Variants in TM4SF18 observed in about 807,000 individuals in gnomAD.
TM4SF18 encodes the protein transmembrane 4 L6 family member 18.
A neutral mutation model predicts 23.8 loss-of-function variants in TM4SF18; 22 were observed. The ratio of observed to expected loss-of-function variants is 0.92; its 90% CI spans 0.66 to 1.32. TM4SF18 has a LOEUF of 1.32. TM4SF18 is among the 40% of genes most tolerant of loss of function. The probability of loss-of-function intolerance (pLI) is 0.00; values close to 1 mark genes in which losing one functional copy is unlikely to be tolerated. For missense variants in TM4SF18, 255 were observed against 240.3 expected (o/e 1.06, Z -0.41); for synonymous variants, 87 against 87.9 (o/e 0.99, Z 0.06).
intron 4 of TM4SF18, among the ~76,000 whole-genome samples, chr3:149,324,129 C>T (rs892201139): frequency 3.3e-5 from 5 of 152,140 alleles, no homozygotes; most frequent in Non-Finnish European, 5.9e-5. Context: ...TTCTGGACCT[C>T]TTCTGTATTT....
rs1184453639 is a variant in TM4SF18 at position 149,319,710 on chromosome 3, C to A, written c.*1768G>T. ...TTGGAGTAGAAGTTCATGTATCTTC[C>A]TTTTAATATGATACCATTATTAACA... On this transcript the variant is annotated 3_prime_UTR_variant, in exon 6 of 6. Coordinates refer to ENST00000296059, the MANE Select transcript of TM4SF18 (RefSeq NM_138786.4). The A allele has an allele frequency of 6.6e-6, 1 of 152,156 alleles. No individual in the cohort carries two copies. Among genetic ancestry groups the A allele is most frequent in the Non-Finnish European group, 1.5e-5 (1 of 68,038 alleles). 9.4% of individuals were successfully genotyped at this position (152,156 alleles called of 1,614,324 possible). A position where few individuals can be genotyped will look rare whatever the true frequency, so the allele number is the denominator to read the frequency against.
chr3:149,326,681 C>G (rs962733867), intron 3 of TM4SF18, among the ~76,000 whole-genome samples: 3 of 152,164 alleles, frequency 2.0e-5, no homozygotes, highest in African/African-American at 4.8e-5. Context: ...ATTTCCCATT[C>G]CTCTCTCCTT....
intron 4 of TM4SF18, 128 bp from the exon 5 acceptor site, chr3:149,322,564 A>T: frequency 1.3e-6 from 1 of 768,614 alleles, no homozygotes; most frequent in Non-Finnish European, 2.0e-6. Flanking sequence ...TACATTTTAA[A>T]AACCATTCAG....
intron 4 of TM4SF18, among the ~76,000 whole-genome samples, chr3:149,324,607 A>G (rs1337859535): frequency 6.6e-6 from 1 of 152,218 alleles, no homozygotes; most frequent in Non-Finnish European, 1.5e-5. Flanking sequence ...CTTTAATCTG[A>G]GGTATGGGAG....
In TM4SF18 at chr3:149,332,007, T is replaced by C. The variant is rs538429050; in HGVS notation, c.177+1199A>G. Among the ~76,000 whole-genome samples, 3 of 152,320 alleles carry C rather than the reference T, an allele frequency of 2.0e-5. No homozygotes were observed. In the South Asian group the frequency reaches 6.2e-4, roughly 32 times the overall value. On this transcript the variant is annotated intron_variant, in intron 2 of 5. Coordinates refer to ENST00000296059, the MANE Select transcript of TM4SF18 (RefSeq NM_138786.4). ...CCACAAACATCTGCACACATAGCTC[T>C]TCCCTTATTTTGGATGATTTCCTCA... is the stretch of plus-strand genomic sequence containing the variant.
intron 1 of TM4SF18, 36 bp from the exon 2 acceptor site, chr3:149,333,435 G>T: frequency 1.1e-5 from 12 of 1,052,592 alleles, no homozygotes; most frequent in South Asian, 2.3e-5. Flanking sequence ...GTCACAGAAA[G>T]TCTATTTTTC....
At chr3:149,331,876 T>G (rs1731093426) in intron 2 of TM4SF18, among the ~76,000 whole-genome samples, 1 of 152,210 alleles carries the variant, frequency 6.6e-6, no homozygotes, top group South Asian at 2.1e-4. Flanking sequence ...TGTTACATCT[T>G]CATAATTATA....
At chr3:149,329,218 A>G (rs1010937633) in intron 3 of TM4SF18, among the ~76,000 whole-genome samples, 3 of 151,490 alleles carry the variant, frequency 2.0e-5, no homozygotes, top group South Asian at 2.1e-4. Flanking sequence ...TAAATTTTCA[A>G]TTCTTCTCCA....
chr3:149,328,555 T>C (rs1731009789), intron 3 of TM4SF18, among the ~76,000 whole-genome samples: 1 of 152,206 alleles, frequency 6.6e-6, no homozygotes, highest in South Asian at 2.1e-4. Context: ...AATATGTACT[T>C]TGTTTGGTTT....
chr3:149,321,491 G>C lies in TM4SF18; in HGVS notation c.593C>G (p.Pro198Arg). Residue 198 changes from proline to arginine, a missense_variant and splice_region_variant, in exon 6 of 6, where the codon CCT becomes CGT. By Grantham distance (103) the Pro-to-Arg change is moderately radical. Transcript: ENST00000296059. Reference protein sequence around the residue: ...LCGSYSVIFQPGII With the variant: ...LCGSYSVIFQRGII Reference sequence around the variant, plus strand: ...TTTTGTCCTTATTCAAATGATTCCAGGCTATAGGAAAAAAGGAAAAACAAA... The same window carrying C: ...TTTTGTCCTTATTCAAATGATTCCACGCTATAGGAAAAAAGGAAAAACAAA... 6.4e-7 allele frequency: 1 copy of C among 1,570,244 alleles called. No homozygotes were observed. The highest frequency in any genetic ancestry group is 8.7e-7 in the Non-Finnish European group (1 of 1,155,524).
chr3:149,330,395 G>T lies in TM4SF18; in HGVS notation c.202C>A (p.Leu68Met), dbSNP rs760680883. ...TAGTTGTTATTATTCTCCAGTACCAGAAGAACTGTTGTTACTATAAGCATC... is the reference window on the plus strand; with the variant it reads ...TAGTTGTTATTATTCTCCAGTACCATAAGAACTGTTGTTACTATAAGCATC... ...IMMLIVTTVL[L>M]VLENNNNYKC... is the part of the protein sequence containing the mutation. Residue 68 changes from leucine to methionine, a missense_variant, in exon 3 of 6, where the codon CTG becomes ATG. Coordinates refer to ENST00000296059, the MANE Select transcript of TM4SF18 (RefSeq NM_138786.4). 1 of 1,607,006 alleles carries T rather than the reference G, an allele frequency of 6.2e-7. No homozygotes were observed. The highest frequency in any genetic ancestry group is 8.5e-7 in the Non-Finnish European group (1 of 1,176,026).
intron 3 of TM4SF18, among the ~76,000 whole-genome samples, chr3:149,327,410 G>A (rs761843595): frequency 6.6e-6 from 1 of 150,810 alleles, no homozygotes; most frequent in Non-Finnish European, 1.5e-5. Flanking sequence ...AAGTTGAGGT[G>A]ACAAAGACAC....
In TM4SF18 at chr3:149,319,965, G is replaced by C. The variant is rs1172155053; in HGVS notation, c.*1513C>G. ...GCCCCAGTTCAGTCAGCTGGGCCCA[G>C]AGCATGAAGGTCATGCGGTGTATAA... On this transcript the variant is annotated 3_prime_UTR_variant, in exon 6 of 6. Coordinates refer to ENST00000296059, the MANE Select transcript of TM4SF18 (RefSeq NM_138786.4). The C allele has an allele frequency of 6.6e-6, 1 of 152,288 alleles. No individual in the cohort carries two copies. The highest frequency in any genetic ancestry group is 1.5e-5 in the Non-Finnish European group (1 of 68,076). 9.4% of individuals were successfully genotyped at this position (152,288 alleles called of 1,614,324 possible).
rs1164989349 is a variant in TM4SF18 at position 149,320,079 on chromosome 3, G to T, written c.*1399C>A. The T allele has an allele frequency of 6.6e-6, 1 of 152,360 alleles. No homozygotes were observed. The highest frequency in any genetic ancestry group is 1.5e-5 in the Non-Finnish European group (1 of 68,164). 9.4% of individuals were successfully genotyped at this position (152,360 alleles called of 1,614,324 possible). A position where few individuals can be genotyped will look rare whatever the true frequency, so the allele number is the denominator to read the frequency against. On this transcript the variant is annotated 3_prime_UTR_variant, in exon 6 of 6. Transcript: ENST00000296059. ...TGGCACAGCAGGCATCAAGGAGAAA[G>T]ATATTCTCTTCCGTATCCCCCCAGC...
At chr3:149,328,038 A>C (rs929579002) in intron 3 of TM4SF18, among the ~76,000 whole-genome samples, 4 of 152,226 alleles carry the variant, frequency 2.6e-5, no homozygotes, top group Non-Finnish European at 5.9e-5. Context: ...TATTATTTCA[A>C]GTGCCCTTAT....
chr3:149,323,704 A>G (rs1730865390), intron 4 of TM4SF18, among the ~76,000 whole-genome samples: 1 of 152,236 alleles, frequency 6.6e-6, no homozygotes, highest in Admixed American at 6.5e-5. Flanking sequence ...ATTGATTGTA[A>G]AACATGTGGT....
At chr3:149,323,616 C>G (rs573851074) in intron 4 of TM4SF18, among the ~76,000 whole-genome samples, 2 of 152,324 alleles carry the variant, frequency 1.3e-5, no homozygotes, top group South Asian at 4.1e-4. Flanking sequence ...TTACTCTAAT[C>G]TCTTAATCCT....
rs957067940 is a variant in TM4SF18 at position 149,320,655 on chromosome 3, A to C, written c.*823T>G. On this transcript the variant is annotated 3_prime_UTR_variant, in exon 6 of 6. Coordinates refer to ENST00000296059, the MANE Select transcript of TM4SF18 (RefSeq NM_138786.4). The stretch of plus-strand genomic sequence containing the variant: ...ACTTTCCTCATTGAATGTTGATGGA[A>C]GTGTCATTTCATGATGTTTGCAAAT... 6 of 152,212 alleles carry C rather than the reference A, an allele frequency of 3.9e-5. No individual in the cohort carries two copies. The highest frequency in any genetic ancestry group is 5.9e-5 in the Non-Finnish European group (4 of 68,024). 9.4% of individuals were successfully genotyped at this position (152,212 alleles called of 1,614,324 possible). A position where few individuals can be genotyped will look rare whatever the true frequency, so the allele number is the denominator to read the frequency against.
chr3:149,332,955 A>G (rs768284189), intron 2 of TM4SF18, among the ~76,000 whole-genome samples: 3 of 152,200 alleles, frequency 2.0e-5, no homozygotes, highest in Non-Finnish European at 4.4e-5. Context: ...TTTACAGGCC[A>G]GTGTCCCACA....
Sources: allele counts gnomAD v4.1 joint callset (sites outside exome capture counted in the v4.1 genomes callset), GRCh38; gene constraint gnomAD v4.1.1; transcripts MANE v1.5; gene names NCBI Gene and HGNC (gene_info 2026-07-23, HGNC 2026-07-21).